Variants in STIM1 observed in about 807,000 individuals in gnomAD.
STIM1 encodes the protein stromal interaction molecule 1.
In STIM1, 25 loss-of-function variants were observed where a neutral mutation model predicts 74.7. That is an observed-to-expected ratio of 0.33 (90% CI 0.24 to 0.47). STIM1 has a LOEUF of 0.47. Among genes scored for constraint, STIM1 ranks in the 20% least tolerant of loss-of-function variants. STIM1 has a pLI of 1.00. For missense variants in STIM1, 728 were observed against 920.8 expected (o/e 0.79, Z 2.71); for synonymous variants, 328 against 348.8 (o/e 0.94, Z 0.66).
intron 12 of STIM1, among the ~76,000 whole-genome samples, 173 bp from the exon 13 acceptor site, chr11:4,091,109 T>C (rs1308336240): frequency 6.6e-6 from 1 of 152,062 alleles, no homozygotes; most frequent in Non-Finnish European, 1.5e-5. Context: ...CTATTCCTCT[T>C]TCCTCTCTCC....
At chr11:3,900,031 T>C (rs949207061) in intron 1 of STIM1, among the ~76,000 whole-genome samples, 3 of 152,180 alleles carry the variant, frequency 2.0e-5, no homozygotes, top group Admixed American at 6.5e-5. Context: ...GCTGGCCTCA[T>C]AAATTGAGTT....
intron 1 of STIM1, among the ~76,000 whole-genome samples, chr11:3,872,557 T>C (rs2091144875): frequency 6.7e-6 from 1 of 149,380 alleles, no homozygotes. Flanking sequence ...AGTCTCACTC[T>C]GTTGCCCAGG....
chr11:3,958,318 G>A (rs558103808), intron 1 of STIM1, among the ~76,000 whole-genome samples: 1 of 152,212 alleles, frequency 6.6e-6, no homozygotes, highest in South Asian at 2.1e-4. Flanking sequence ...AACCAGCCTG[G>A]GCAACATAAC....
At chr11:3,996,809 C>A (rs1042588815) in intron 2 of STIM1, among the ~76,000 whole-genome samples, 1 of 152,192 alleles carries the variant, frequency 6.6e-6, no homozygotes, top group Non-Finnish European at 1.5e-5. Context: ...GCTTCTCATG[C>A]TGTCAAACTA....
rs370848515 is a variant in STIM1, at chr11:4,031,893, A to G, written c.385+7906A>G. On this transcript the variant is annotated intron_variant, in intron 3 of 12. Transcript: ENST00000526596. ...AATTTTGACGAAGTCCAGTTTATCA[A>G]TTTGTTTTTTAACAGATCATGCTTT... Among the ~76,000 whole-genome samples, 7 of 152,240 alleles carry G rather than the reference A, an allele frequency of 4.6e-5. No individual in the cohort carries two copies. The East Asian group carries it at 7.7e-4, about 17-fold the overall frequency.
intron 2 of STIM1, among the ~76,000 whole-genome samples, chr11:3,998,266 C>T (rs747327842): frequency 5.9e-5 from 9 of 152,132 alleles, no homozygotes; most frequent in South Asian, 2.1e-4. Flanking sequence ...AGTGGTGGAA[C>T]GAGGATTCAA....
chr11:3,973,440 C>T (rs1183263196), intron 2 of STIM1: 2 of 333,798 alleles, frequency 6.0e-6, no homozygotes, highest in Non-Finnish European at 1.2e-5. Flanking sequence ...TGCTCTGTTG[C>T]CCAGGCTGGA....
intron 3 of STIM1, among the ~76,000 whole-genome samples, chr11:4,027,752 T>C (rs2136035560): frequency 6.6e-6 from 1 of 152,054 alleles, no homozygotes; most frequent in African/African-American, 2.4e-5. Context: ...TTAAATAGGG[T>C]GTTGATGGTG....
chr11:4,030,057 G>A (rs910119273), intron 3 of STIM1, among the ~76,000 whole-genome samples: 2 of 152,176 alleles, frequency 1.3e-5, no homozygotes, highest in African/African-American at 4.8e-5. Context: ...GCCGGGTGCG[G>A]TGGCTCACGC....
chr11:4,000,103 C>A (rs2093699577), intron 2 of STIM1, among the ~76,000 whole-genome samples: 1 of 152,054 alleles, frequency 6.6e-6, no homozygotes, highest in African/African-American at 2.4e-5. Context: ...GGGTGGAGCC[C>A]ACCACGGCTC....
intron 3 of STIM1, among the ~76,000 whole-genome samples, chr11:4,044,351 TC>T (rs1406739870): frequency 2.0e-5 from 3 of 152,174 alleles, no homozygotes; most frequent in Admixed American, 6.5e-5. Flanking sequence ...GCTGTTGCCT[TC>T]TTCCTCACTC....
intron 2 of STIM1, among the ~76,000 whole-genome samples, chr11:3,985,989 C>A (rs2093554497): frequency 6.6e-6 from 1 of 152,136 alleles, no homozygotes; most frequent in South Asian, 2.1e-4. Flanking sequence ...TAAATACCTC[C>A]TTTGAAATCT....
intron 2 of STIM1, among the ~76,000 whole-genome samples, chr11:4,014,775 T>G (rs2093879110): frequency 6.6e-6 from 1 of 152,250 alleles, no homozygotes; most frequent in African/African-American, 2.4e-5. Context: ...TAGCTCTTCT[T>G]GTTGAATTGA....
intron 2 of STIM1, among the ~76,000 whole-genome samples, chr11:3,998,225 T>A (rs535256260): frequency 6.6e-6 from 1 of 152,316 alleles, no homozygotes; most frequent in East Asian, 1.9e-4. Flanking sequence ...ATCTTCATTT[T>A]ACAAATGATG....
chr11:4,061,797 C>T (rs1224904131), intron 5 of STIM1, among the ~76,000 whole-genome samples: 1 of 152,066 alleles, frequency 6.6e-6, no homozygotes, highest in Non-Finnish European at 1.5e-5. Context: ...GAATATTATT[C>T]ACCTATAAAT....
chr11:4,053,805 C>T (rs2094265006), intron 3 of STIM1, among the ~76,000 whole-genome samples: 1 of 152,122 alleles, frequency 6.6e-6, no homozygotes, highest in Non-Finnish European at 1.5e-5. Flanking sequence ...GACAGGGTCT[C>T]ACTGTATTGC....
rs138487149 is a variant in STIM1, at chr11:4,092,222, C to T, written c.*424C>T. 700 of 309,248 alleles carry T rather than the reference C, an allele frequency of 2.3e-3. 3 individuals carry two copies. Among genetic ancestry groups the T allele is most frequent in the African/African-American group, 0.014 (641 of 46,628 alleles). The allele number at this position is 309,248 out of a possible 1,614,324, so 19.2% of individuals were successfully genotyped here. ...CCTAGCAGTTGCAGGGAAGATAGGACGAGTAGCTTCTGACATGTGTGCCTC... is the reference window on the plus strand; with the variant it reads ...CCTAGCAGTTGCAGGGAAGATAGGATGAGTAGCTTCTGACATGTGTGCCTC... On this transcript the variant is annotated 3_prime_UTR_variant, in exon 13 of 13. Coordinates refer to ENST00000526596, the MANE Select transcript of STIM1 (RefSeq NM_001382567.1).
chr11:3,919,447 C>T (rs943940461), intron 1 of STIM1, among the ~76,000 whole-genome samples: 1 of 152,148 alleles, frequency 6.6e-6, no homozygotes, highest in Non-Finnish European at 1.5e-5. Context: ...TCAGGTGATC[C>T]ACCTGCCTCT....
rs1283748816 is a variant in STIM1 at position 3,895,690 on chromosome 11, CT to C, written c.139+39284del. The stretch of plus-strand genomic sequence containing the variant: ...TCTTTCTTTCCTTCCTTCCTTCTTT[CT>C]TTCTTTCTTTCTTTCTTTCTTTCTT... On this transcript the variant is annotated intron_variant, in intron 1 of 12. Coordinates refer to ENST00000526596, the MANE Select transcript of STIM1 (RefSeq NM_001382567.1). 4.0e-3 allele frequency among the ~76,000 whole-genome samples: 120 copies of C among 29,870 alleles called. 9 individuals are homozygous for C. Among genetic ancestry groups the C allele is most frequent in the Non-Finnish European group, 5.8e-3 (98 of 16,918 alleles). The allele number at this position is 29,870 out of a possible 152,430, so 19.6% of individuals were successfully genotyped here.
Sources: allele counts gnomAD v4.1 joint callset (sites outside exome capture counted in the v4.1 genomes callset), GRCh38; gene constraint gnomAD v4.1.1; transcripts MANE v1.5; gene names NCBI Gene and HGNC (gene_info 2026-07-23, HGNC 2026-07-21).